The following PDE4D variants were observed in gnomAD, a reference collection of about 807,000 sequenced individuals.
PDE4D encodes 3',5'-cyclic-AMP phosphodiesterase 4D.
PDE4D carries 24 observed loss-of-function variants against 87.4 expected under a neutral mutation model. The observed-to-expected ratio is 0.27, with a 90% CI of 0.20 to 0.39. The LOEUF is 0.39. Ranked by LOEUF, PDE4D falls within the 10% of genes least tolerant of loss-of-function variation. PDE4D has a pLI of 1.00. For synonymous variants in PDE4D, 384 were observed against 383.2 expected, an observed-to-expected ratio of 1.00 and a Z score of -0.02; for missense variants, 714 against 1,041.0, an observed-to-expected ratio of 0.69 and a Z score of 4.32.
chr5:59,941,606 T>G (rs1362489747), intron 3 of PDE4D, among the ~76,000 whole-genome samples: 2 of 152,248 alleles, frequency 1.3e-5, no homozygotes, highest in African/African-American at 4.8e-5. Context: ...ATTTATTTTA[T>G]GATGGATTAT....
At chr5:59,515,888 G>A (rs1020496914) in intron 1 of PDE4D, among the ~76,000 whole-genome samples, 2 of 152,112 alleles carry the variant, frequency 1.3e-5, no homozygotes, top group Non-Finnish European at 2.9e-5. Flanking sequence ...GAAAAATGAT[G>A]GATCAGTCAA....
chr5:59,206,287 C>T (rs150647826), intron 2 of PDE4D, among the ~76,000 whole-genome samples: 1 of 152,220 alleles, frequency 6.6e-6, no homozygotes, highest in Non-Finnish European at 1.5e-5. Context: ...TAAAGAAAAA[C>T]CATGGGTCTG....
chr5:59,153,220 C>G (rs1779701287), intron 5 of PDE4D, among the ~76,000 whole-genome samples: 1 of 152,142 alleles, frequency 6.6e-6, no homozygotes, highest in African/African-American at 2.4e-5. Flanking sequence ...TTCTCACAGA[C>G]TCTCCAGTAG....
At chr5:59,293,821 G>A (rs1465840675) in intron 1 of PDE4D, among the ~76,000 whole-genome samples, 1 of 152,176 alleles carries the variant, frequency 6.6e-6, no homozygotes, top group African/African-American at 2.4e-5. Context: ...CCCCATGGGA[G>A]TCACATACCA....
At position 59,218,438 on chromosome 5, in the gene PDE4D, C is replaced by A. The variant is rs1206715152; in HGVS notation, c.456-2470G>T. Among the ~76,000 whole-genome samples the A allele has an allele frequency of 3.9e-5, 6 of 152,080 alleles. No homozygotes were observed. In the South Asian group the frequency reaches 8.3e-4, roughly 21 times the overall value. ...ACTATAAGTTTTGAAACAAATATTG[C>A]TAAATACCTTAAGTCATTTAGATAG... is the stretch of plus-strand genomic sequence containing the variant. On this transcript the variant is annotated intron_variant, in intron 1 of 14. Coordinates refer to ENST00000340635, the MANE Select transcript of PDE4D (RefSeq NM_001104631.2).
chr5:59,395,439 A>G (rs62355536), intron 1 of PDE4D, among the ~76,000 whole-genome samples: 63,581 of 151,784 alleles, frequency 0.42, 13,574 homozygotes, highest in East Asian at 0.48. Context: ...CTGACCCCCG[A>G]GCAGCCTAAC....
intron 2 of PDE4D, among the ~76,000 whole-genome samples, chr5:60,043,921 T>A (rs1768834185): frequency 6.6e-6 from 1 of 152,192 alleles, no homozygotes; most frequent in Non-Finnish European, 1.5e-5. Flanking sequence ...CTTTAAACAC[T>A]TTAAATATTT....
intron 1 of PDE4D, among the ~76,000 whole-genome samples, chr5:59,414,972 A>G (rs1381332493): frequency 6.6e-6 from 1 of 152,198 alleles, no homozygotes; most frequent in African/African-American, 2.4e-5. Context: ...AGAGTATGAT[A>G]AAGATACCAT....
intron 2 of PDE4D, among the ~76,000 whole-genome samples, chr5:59,993,142 G>A (rs1349619617): frequency 1.3e-5 from 2 of 152,136 alleles, no homozygotes; most frequent in Non-Finnish European, 2.9e-5. Flanking sequence ...TAGAATCATA[G>A]ATGGTGCTTG....
chr5:60,350,254 G>A (rs1471172145), intron 1 of PDE4D, among the ~76,000 whole-genome samples: 1 of 152,196 alleles, frequency 6.6e-6, no homozygotes, highest in Non-Finnish European at 1.5e-5. Context: ...GACACCAGCT[G>A]CTCCTAGGTG....
At chr5:60,449,096 C>T (rs1745886437) in intron 1 of PDE4D, among the ~76,000 whole-genome samples, 1 of 146,788 alleles carries the variant, frequency 6.8e-6, no homozygotes, top group South Asian at 2.2e-4. Context: ...CACACACACA[C>T]ACACGATCAT....
At chr5:60,443,605 C>T (rs1745413388) in intron 1 of PDE4D, among the ~76,000 whole-genome samples, 1 of 151,924 alleles carries the variant, frequency 6.6e-6, no homozygotes, top group African/African-American at 2.4e-5. Flanking sequence ...GTTCATTTGC[C>T]CAGAGTAAGA....
intron 3 of PDE4D, among the ~76,000 whole-genome samples, chr5:59,956,562 T>C (rs957397997): frequency 3.9e-5 from 6 of 152,188 alleles, no homozygotes; most frequent in Non-Finnish European, 7.4e-5. Context: ...CAACCAAATG[T>C]TTCTATTTGT....
intron 1 of PDE4D, among the ~76,000 whole-genome samples, chr5:59,234,722 C>T (rs1266396982): frequency 6.6e-6 from 1 of 151,962 alleles, no homozygotes; most frequent in Non-Finnish European, 1.5e-5. Context: ...TTTTTTCATA[C>T]ATTCAGATAG....
chr5:60,317,374 C>T (rs971990996), intron 1 of PDE4D, among the ~76,000 whole-genome samples: 4 of 152,048 alleles, frequency 2.6e-5, no homozygotes, highest in African/African-American at 9.7e-5. Context: ...TGATTCTTCT[C>T]TCTTTTCTTC....
intron 1 of PDE4D, among the ~76,000 whole-genome samples, chr5:60,346,987 A>G (rs1238958965): frequency 2.0e-5 from 3 of 152,112 alleles, no homozygotes; most frequent in Non-Finnish European, 4.4e-5. Flanking sequence ...TGAACTAGAG[A>G]GAAGAGTTTC....
At chr5:59,494,633 C>A (rs1157305227) in intron 1 of PDE4D, among the ~76,000 whole-genome samples, 1 of 152,098 alleles carries the variant, frequency 6.6e-6, no homozygotes, top group Non-Finnish European at 1.5e-5. Flanking sequence ...TTAATTATTG[C>A]AAAGAAATGT....
chr5:59,391,673 C>G (rs1242183346), intron 1 of PDE4D, among the ~76,000 whole-genome samples: 3 of 151,984 alleles, frequency 2.0e-5, no homozygotes, highest in Admixed American at 6.6e-5. Context: ...TGTTTCATCT[C>G]CAACTTTTTC....
At chr5:59,543,067 T>C (rs965981564) in intron 1 of PDE4D, among the ~76,000 whole-genome samples, 1 of 152,184 alleles carries the variant, frequency 6.6e-6, no homozygotes, top group Non-Finnish European at 1.5e-5. Flanking sequence ...AATCAGATCA[T>C]GTTTGACTGA....
Sources: gnomAD v4.1 joint callset for allele counts (sites outside exome capture counted in the v4.1 genomes callset) on GRCh38, gnomAD v4.1.1 for gene constraint, MANE v1.5 for transcripts, NCBI Gene and HGNC (gene_info 2026-07-23, HGNC 2026-07-21) for gene names.